The following TRPC5 variants were observed in gnomAD, a reference collection of about 807,000 sequenced individuals.
TRPC5 encodes short transient receptor potential channel 5.
TRPC5 carries 9 observed loss-of-function variants against 56.5 expected under a neutral mutation model. That is an observed-to-expected ratio of 0.16 (90% confidence interval 0.10 to 0.28). TRPC5 has a LOEUF of 0.28. Ranked by LOEUF, TRPC5 falls within the 10% of genes least tolerant of loss-of-function variation. The pLI, the probability that TRPC5 is intolerant of heterozygous loss-of-function variation, is 1.00. For missense variants in TRPC5, 469 were observed against 748.9 expected, an observed-to-expected ratio of 0.63 and a Z score of 4.36; for synonymous variants, 282 against 278.5, an observed-to-expected ratio of 1.01 and a Z score of -0.13.
At chrX:112,045,496 C>G (rs1929994576) in intron 1 of TRPC5, among the ~76,000 whole-genome samples, 1 of 111,854 alleles carries the variant, frequency 8.9e-6, no homozygotes, top group African/African-American at 3.3e-5. Flanking sequence ...TTGTTTTAAG[C>G]AGAATTCGTT....
intron 6 of TRPC5, among the ~76,000 whole-genome samples, chrX:111,843,946 G>C (rs772326817): frequency 1.9e-5 from 2 of 103,281 alleles, no homozygotes; most frequent in African/African-American, 3.8e-5. Context: ...ATGAGAGAGA[G>C]ACAGAGAGAG....
chrX:111,993,346 G>C (rs1928419637), intron 1 of TRPC5, among the ~76,000 whole-genome samples: 3 of 111,866 alleles, frequency 2.7e-5, no homozygotes, highest in Admixed American at 9.5e-5. Flanking sequence ...ATTGTGAATA[G>C]TGCCACAATA....
chrX:112,023,114 T>C (rs1231463631), intron 1 of TRPC5, among the ~76,000 whole-genome samples: 1 of 109,507 alleles, frequency 9.1e-6, no homozygotes, highest in Non-Finnish European at 1.9e-5. Flanking sequence ...TTTTGTATTT[T>C]TAGTACAGAC....
chrX:112,070,455 G>C (rs776913821), intron 1 of TRPC5, among the ~76,000 whole-genome samples: 2 of 111,097 alleles, frequency 1.8e-5, no homozygotes, highest in Non-Finnish European at 3.8e-5. Context: ...GTTCCATCAA[G>C]TTCCCCTATC....
At chrX:112,043,665 C>G (rs1374645239) in intron 1 of TRPC5, among the ~76,000 whole-genome samples, 16 of 102,642 alleles carry the variant, frequency 1.6e-4, no homozygotes, top group African/African-American at 5.0e-4. Flanking sequence ...AAAAAAAAAG[C>G]TAGAGATAGG....
chrX:111,980,071 C>T (rs1928037487), intron 1 of TRPC5, among the ~76,000 whole-genome samples: 1 of 111,550 alleles, frequency 9.0e-6, no homozygotes, highest in Non-Finnish European at 1.9e-5. Context: ...GGAAACAATC[C>T]AGTTGTTCTT....
intron 1 of TRPC5, among the ~76,000 whole-genome samples, chrX:111,997,626 C>A (rs1290109892): frequency 1.8e-5 from 2 of 110,851 alleles, no homozygotes; most frequent in Admixed American, 1.9e-4. Flanking sequence ...TTTAGGTACA[C>A]CAATCAAACA....
At chrX:112,044,621 T>G (rs1055674780) in intron 1 of TRPC5, among the ~76,000 whole-genome samples, 1 of 112,320 alleles carries the variant, frequency 8.9e-6, no homozygotes, top group African/African-American at 3.2e-5. Context: ...TATGCTGTCA[T>G]GGACTCAATG....
chrX:111,912,603 T>A lies in TRPC5; in HGVS notation c.588A>T (p.Arg196=). The A allele has an allele frequency of 8.3e-7, 1 of 1,211,379 alleles. No homozygotes were observed. Among genetic ancestry groups the A allele is most frequent in the Non-Finnish European group, 1.1e-6 (1 of 895,425 alleles). Reference sequence around the variant, plus strand: ...TTGCCAGAGCCTTATAGATGTTCAGTCGGGAGCGAGAGTGGCGCAGGCTGT... The same window carrying A: ...TTGCCAGAGCCTTATAGATGTTCAGACGGGAGCGAGAGTGGCGCAGGCTGT... The part of the protein sequence containing the change: ...EVDSLRHSRS[R]LNIYKALASP... The change falls in exon 3 of 11, where the codon CGA becomes CGT. Residue 196 remains arginine, a synonymous_variant. Coordinates refer to ENST00000262839, the MANE Select transcript of TRPC5 (RefSeq NM_012471.3).
intron 3 of TRPC5, among the ~76,000 whole-genome samples, chrX:111,905,883 C>A (rs1242471642): frequency 7.1e-5 from 7 of 99,159 alleles, no homozygotes; most frequent in African/African-American, 2.0e-4. Flanking sequence ...CCACTGCACT[C>A]CAGCCTGGGC....
At chrX:111,965,415 C>T (rs1238611031) in intron 1 of TRPC5, among the ~76,000 whole-genome samples, 7 of 111,518 alleles carry the variant, frequency 6.3e-5, no homozygotes, top group South Asian at 7.5e-4. Context: ...GACAGATCAA[C>T]GAGACAGAAA....
intron 1 of TRPC5, among the ~76,000 whole-genome samples, chrX:112,015,925 T>C: frequency 9.0e-6 from 1 of 111,630 alleles, no homozygotes; most frequent in Middle Eastern, 4.7e-3. Flanking sequence ...CCCCCTGCCA[T>C]GGTTAGAACT....
chrX:111,891,282 G>A (rs1250793669), intron 3 of TRPC5, among the ~76,000 whole-genome samples: 1 of 111,853 alleles, frequency 8.9e-6, no homozygotes, highest in Admixed American at 9.5e-5. Flanking sequence ...GGTCTTTGAG[G>A]AATTGCCACA....
chrX:111,933,296 T>C (rs1926472647), intron 2 of TRPC5, among the ~76,000 whole-genome samples: 1 of 110,930 alleles, frequency 9.0e-6, no homozygotes, highest in African/African-American at 3.3e-5. Flanking sequence ...GAGTCATAAG[T>C]TGGAAAAAAA....
chrX:111,990,562 A>C (rs1308776300), intron 1 of TRPC5, among the ~76,000 whole-genome samples: 1 of 111,868 alleles, frequency 8.9e-6, no homozygotes, highest in Non-Finnish European at 1.9e-5. Context: ...GCCCCAAGAC[A>C]GGGAGATAAA....
intron 3 of TRPC5, among the ~76,000 whole-genome samples, chrX:111,901,358 G>A (rs1040185748): frequency 3.6e-5 from 4 of 111,526 alleles, no homozygotes; most frequent in East Asian, 2.8e-4. Context: ...AGACCATGAG[G>A]TTTTCAAAGG....
Position 112,081,054 on chromosome X carries a change from C to T in TRPC5, c.-22+825G>A, listed in dbSNP as rs187502687. ...GCTGGTTTCCCCGCTTCAGGCTTTT[C>T]CTGAGGGAGTAATAACCTTGCTAAA... On this transcript the variant is annotated intron_variant, in intron 1 of 10. Transcript: ENST00000262839. 5.5e-3 allele frequency among the ~76,000 whole-genome samples: 621 copies of T among 112,096 alleles called. 4 individuals are homozygous for T. Among genetic ancestry groups the T allele is most frequent in the African/African-American group, 0.019 (595 of 30,804 alleles).
intron 1 of TRPC5, among the ~76,000 whole-genome samples, chrX:112,040,258 C>G (rs1363751396): frequency 8.9e-6 from 1 of 112,197 alleles, no homozygotes. Context: ...GACCTTGAGA[C>G]CAAATCATCA....
chrX:111,820,714 G>C (rs921941223), intron 7 of TRPC5, among the ~76,000 whole-genome samples: 8 of 111,352 alleles, frequency 7.2e-5, no homozygotes, highest in African/African-American at 2.6e-4. Context: ...ATAAACTTAG[G>C]TTTAGTCAGC....
Sources: gnomAD v4.1 joint callset for allele counts (sites outside exome capture counted in the v4.1 genomes callset) on GRCh38, gnomAD v4.1.1 for gene constraint, MANE v1.5 for transcripts, NCBI Gene and HGNC (gene_info 2026-07-23, HGNC 2026-07-21) for gene names.